Variants in CCDC172 observed in about 807,000 individuals in gnomAD.
The protein encoded by CCDC172 is coiled-coil domain-containing protein 172.
Under a neutral mutation model 38.0 loss-of-function variants are expected in CCDC172, and 30 were observed. The observed-to-expected ratio is 0.79, with a 90% CI of 0.59 to 1.07. The LOEUF (loss-of-function observed/expected upper bound fraction) is 1.07, where lower values mean the gene tolerates loss of function less well. CCDC172 is among the 50% of genes least tolerant of loss of function. The pLI, the probability that CCDC172 is intolerant of heterozygous loss-of-function variation, is 0.00. For synonymous variants in CCDC172, 78 were observed against 88.3 expected, an observed-to-expected ratio of 0.88 and a Z score of 0.66; for missense variants, 297 against 290.1, an observed-to-expected ratio of 1.02 and a Z score of -0.17.
intron 2 of CCDC172, 46 bp from the exon 3 acceptor site, chr10:116,325,257 G>A: frequency 3.2e-6 from 5 of 1,565,180 alleles, no homozygotes; most frequent in Non-Finnish European, 4.4e-6. Context: ...CCAAAATGGG[G>A]ACTTTAGAAA....
chr10:116,358,281 T>G (rs1845024260), intron 7 of CCDC172, among the ~76,000 whole-genome samples: 1 of 152,148 alleles, frequency 6.6e-6, no homozygotes, highest in Non-Finnish European at 1.5e-5. Flanking sequence ...TTAATCTTTC[T>G]AGATTCCAGC....
chr10:116,363,156 C>G (rs1000287177), intron 7 of CCDC172, among the ~76,000 whole-genome samples: 3 of 152,062 alleles, frequency 2.0e-5, no homozygotes, highest in African/African-American at 7.2e-5. Context: ...TATAAATCAA[C>G]CCCTTTTGGT....
At chr10:116,343,514 C>T (rs962245577) in intron 5 of CCDC172, among the ~76,000 whole-genome samples, 20 of 74,306 alleles carry the variant, frequency 2.7e-4, no homozygotes, top group South Asian at 6.1e-4. Context: ...TCTGATCATT[C>T]GTTTTTTTTT....
intron 4 of CCDC172, 36 bp downstream of exon 4, chr10:116,340,886 T>C (rs1236620740): frequency 9.2e-7 from 1 of 1,090,202 alleles, no homozygotes; most frequent in Admixed American, 1.8e-5. Flanking sequence ...TCTATTTCAC[T>C]AATATGTAAA....
At chr10:116,324,875 G>A in intron 1 of CCDC172, 72 bp from the exon 2 acceptor site, 1 of 705,482 alleles carries the variant, frequency 1.4e-6, no homozygotes, top group South Asian at 1.8e-5. Flanking sequence ...CTGGGCTGGC[G>A]ACAGAGGGTT....
At chr10:116,372,017 C>A (rs189228159) in intron 7 of CCDC172, among the ~76,000 whole-genome samples, 2 of 152,134 alleles carry the variant, frequency 1.3e-5, no homozygotes, top group Admixed American at 1.3e-4. Flanking sequence ...CTTAGGCACC[C>A]TTTTTCCTTT....
chr10:116,368,473 C>T (rs1372213491), intron 7 of CCDC172, among the ~76,000 whole-genome samples: 2 of 151,874 alleles, frequency 1.3e-5, no homozygotes, highest in Admixed American at 6.6e-5. Flanking sequence ...ACTCATGCAC[C>T]TTTTAAAGTT....
intron 8 of CCDC172, 101 bp downstream of exon 8, chr10:116,378,611 C>A: frequency 2.4e-6 from 2 of 835,428 alleles, no homozygotes; most frequent in Non-Finnish European, 1.9e-6. Context: ...GTGTTTAATC[C>A]CTCTGCAAAA....
At chr10:116,370,000 T>C (rs1248406033) in intron 7 of CCDC172, among the ~76,000 whole-genome samples, 1 of 151,952 alleles carries the variant, frequency 6.6e-6, no homozygotes, top group Admixed American at 6.6e-5. Context: ...TGTAAATTGT[T>C]TTTTTAACTA....
chr10:116,351,376 C>T (rs980271312), intron 5 of CCDC172, among the ~76,000 whole-genome samples: 2 of 152,130 alleles, frequency 1.3e-5, no homozygotes, highest in Non-Finnish European at 2.9e-5. Context: ...CAGTTACCTA[C>T]ACTAGTGGAC....
At chr10:116,358,328 T>G (rs1845024725) in intron 7 of CCDC172, among the ~76,000 whole-genome samples, 1 of 152,062 alleles carries the variant, frequency 6.6e-6, no homozygotes, top group African/African-American at 2.4e-5. Context: ...TACTTGACAT[T>G]TGTTACTCTG....
chr10:116,342,135 T>G lies in CCDC172; in HGVS notation c.382T>G (p.Leu128Val), dbSNP rs779078810. ...TGAAATAACAAAGAAAAGAGAGCTT[T>G]TGATGAAAGAAAATGTCAAGATTGA... ...DYEITKKREL[L>V]MKENVKIEIS... The change falls in exon 5 of 9, where the codon TTG becomes GTG. Residue 128 changes from leucine to valine, a missense_variant. By Grantham distance (32) the Leu-to-Val change is conservative. Transcript: ENST00000333254. The G allele has an allele frequency of 1.3e-6, 2 of 1,550,598 alleles. No homozygotes were observed. Among genetic ancestry groups the G allele is most frequent in the Non-Finnish European group, 1.7e-6 (2 of 1,158,904 alleles).
At chr10:116,350,042 A>AT (rs1018818291) in intron 5 of CCDC172, among the ~76,000 whole-genome samples, 7 of 152,192 alleles carry the variant, frequency 4.6e-5, no homozygotes, top group Non-Finnish European at 2.9e-5. Flanking sequence ...GTGCCTAATC[A>AT]TTTTTTGAGA....
intron 7 of CCDC172, among the ~76,000 whole-genome samples, chr10:116,369,406 C>A (rs1277001343): frequency 1.3e-5 from 2 of 151,896 alleles, no homozygotes; most frequent in African/African-American, 4.8e-5. Flanking sequence ...GTTTCTTTTT[C>A]CAAAAATAGA....
At chr10:116,354,139 C>T (rs967245708) in intron 5 of CCDC172, among the ~76,000 whole-genome samples, 2 of 152,090 alleles carry the variant, frequency 1.3e-5, no homozygotes, top group Admixed American at 6.5e-5. Context: ...TGCCTAGTGA[C>T]GTTGTGGCAC....
chr10:116,367,025 A>C (rs1476725311), intron 7 of CCDC172, among the ~76,000 whole-genome samples: 1 of 152,016 alleles, frequency 6.6e-6, no homozygotes, highest in Non-Finnish European at 1.5e-5. Flanking sequence ...TAATTTCCAG[A>C]AGTTTTAAAG....
In CCDC172 at chr10:116,342,174, G is replaced by T; in HGVS notation, c.421G>T (p.Glu141Ter). The change falls in exon 5 of 9, where the codon GAA becomes TAA. Residue 141 changes from glutamate (E) to a stop codon, truncating the protein, a stop_gained. Transcript: ENST00000333254. LOFTEE classifies it high-confidence loss of function. ...ENVKIEISDL[E>*]NQANMLKSEM... Reference sequence around the variant, plus strand: ...TGTCAAGATTGAAATATCTGACTTAGAAAACCAAGCAAACATGTTGAAAAG... The same window carrying T: ...TGTCAAGATTGAAATATCTGACTTATAAAACCAAGCAAACATGTTGAAAAG... 6.5e-7 allele frequency: 1 copy of T among 1,537,248 alleles called. No individual in the cohort carries two copies. The highest frequency in any genetic ancestry group is 1.3e-5 in the South Asian group (1 of 78,680).
At chr10:116,339,227 G>T (rs1451229877) in intron 3 of CCDC172, among the ~76,000 whole-genome samples, 1 of 151,934 alleles carries the variant, frequency 6.6e-6, no homozygotes, top group African/African-American at 2.4e-5. Flanking sequence ...CTCACATCAT[G>T]ATTTAGAAGA....
intron 3 of CCDC172, among the ~76,000 whole-genome samples, chr10:116,339,726 A>G (rs1451704870): frequency 6.6e-6 from 1 of 151,880 alleles, no homozygotes; most frequent in African/African-American, 2.4e-5. Context: ...TTTTAATGTC[A>G]ATATTTCTAG....
Sources: allele counts gnomAD v4.1 joint callset (sites outside exome capture counted in the v4.1 genomes callset), GRCh38; gene constraint gnomAD v4.1.1; transcripts MANE v1.5; gene names NCBI Gene and HGNC (gene_info 2026-07-23, HGNC 2026-07-21).